The following MAP3K14 variants were observed in gnomAD, a reference collection of about 807,000 sequenced individuals.
MAP3K14 encodes the protein NF-kappa-beta-inducing kinase.
Under a neutral mutation model 99.2 loss-of-function variants are expected in MAP3K14, and 16 were observed. That is an observed-to-expected ratio of 0.16 (90% CI 0.11 to 0.24). The LOEUF (loss-of-function observed/expected upper bound fraction) is 0.24, where lower values mean the gene tolerates loss of function less well. MAP3K14 is among the 10% of genes least tolerant of loss of function. The pLI, the probability that MAP3K14 is intolerant of heterozygous loss-of-function variation, is 1.00. For synonymous variants in MAP3K14, 462 were observed against 492.4 expected (o/e 0.94, Z 0.82); for missense variants, 784 against 1,208.7 (o/e 0.65, Z 5.21).
intron 1 of MAP3K14, among the ~76,000 whole-genome samples, chr17:45,305,489 G>A (rs1304528132): frequency 1.4e-5 from 2 of 142,660 alleles, no homozygotes; most frequent in East Asian, 4.6e-4. Flanking sequence ...TCCACCTCCC[G>A]AATTCAAGCG....
At chr17:45,284,982 G>A (rs1356534322) in intron 5 of MAP3K14, 33 bp from the exon 6 acceptor site, 1 of 1,548,848 alleles carries the variant, frequency 6.5e-7, no homozygotes, top group Non-Finnish European at 8.7e-7. Flanking sequence ...GACAGTTTCA[G>A]TGGCCAGGGC....
intron 9 of MAP3K14, 142 bp downstream of exon 9, chr17:45,273,360 CT>C: frequency 1.6e-6 from 1 of 642,234 alleles, no homozygotes; most frequent in Non-Finnish European, 2.8e-6. Context: ...AAAGAAACCC[CT>C]GATAATCATC....
rs771825847 is a variant in MAP3K14 at position 45,267,438 on chromosome 17, A to G, written c.2294T>C (p.Val765Ala). 4 of 1,605,200 alleles carry G rather than the reference A, an allele frequency of 2.5e-6. No homozygotes were observed. In the South Asian group the frequency reaches 4.5e-5, roughly 18 times the overall value. ...NPSSPERKAT[V>A]PEQELQQLEI... ...CAGCTGCTGCAGTTCCTGCTCCGGGACGGTTGCTTTCCGCTCTGGTGAGCT... is the reference window on the plus strand; with the variant it reads ...CAGCTGCTGCAGTTCCTGCTCCGGGGCGGTTGCTTTCCGCTCTGGTGAGCT... Residue 765 changes from valine (V) to alanine (A), a missense_variant, in exon 12 of 16, where the codon GTC (valine) becomes GCC (alanine). Val to Ala is a moderately conservative substitution (Grantham distance 64). Coordinates refer to ENST00000344686, the MANE Select transcript of MAP3K14 (RefSeq NM_003954.5). The surrounding 1 kb of genome is among the most constrained non-coding windows in gnomAD (Gnocchi z 5.1).
At chr17:45,281,636 ACTT>A (rs1208313656) in intron 6 of MAP3K14, 17 of 118,118 alleles carry the variant, frequency 1.4e-4, no homozygotes, top group Admixed American at 5.6e-4. Flanking sequence ...GCCTGATCTT[ACTT>A]CTTTTTTTTT....
chr17:45,267,783 T>C lies in MAP3K14; in HGVS notation c.1973-24A>G, dbSNP rs1305922034. ...CACTAGAAAACAGAGAGTACAATGG[T>C]GAGGGGAAGCGTGCTGTGCACAGAC... On this transcript the variant is annotated intron_variant, in intron 11 of 15. Coordinates refer to ENST00000344686, the MANE Select transcript of MAP3K14 (RefSeq NM_003954.5). This position sits in a 1 kb window ranked among gnomAD's most constrained non-coding sequence, Gnocchi z 5.1. 3.1e-5 allele frequency: 49 copies of C among 1,584,966 alleles called. No individual in the cohort carries two copies. Among genetic ancestry groups the C allele is most frequent in the Non-Finnish European group, 3.9e-5 (46 of 1,166,776 alleles).
At chr17:45,313,777 C>T (rs1345085202) in intron 1 of MAP3K14, among the ~76,000 whole-genome samples, 4 of 152,216 alleles carry the variant, frequency 2.6e-5, no homozygotes, top group East Asian at 3.9e-4. Context: ...ACCCTGGTTT[C>T]GTTATGTTCA....
At chr17:45,313,066 A>G (rs1412454888) in intron 1 of MAP3K14, among the ~76,000 whole-genome samples, 1 of 152,094 alleles carries the variant, frequency 6.6e-6, no homozygotes, top group Non-Finnish European at 1.5e-5. Context: ...GGACCTTTGT[A>G]GCCTCATTTG....
chr17:45,265,027 G>T, intron 15 of MAP3K14, 136 bp downstream of exon 15: 1 of 833,636 alleles, frequency 1.2e-6, no homozygotes, highest in Non-Finnish European at 1.9e-6. Flanking sequence ...TTGAGGTCCT[G>T]GGGGACGTTG....
Position 45,267,539 on chromosome 17 carries a change from A to T in MAP3K14, c.2193T>A (p.Thr731=), listed in dbSNP as rs1203918538. The change falls in exon 12 of 16, where the codon ACT becomes ACA. Residue 731 remains threonine, a synonymous_variant. Coordinates refer to ENST00000344686, the MANE Select transcript of MAP3K14 (RefSeq NM_003954.5). The surrounding 1 kb of genome is among the most constrained non-coding windows in gnomAD (Gnocchi z 5.1). ...ACATCCCAGACTCCTCCTTGCTCAA[A>T]GTCAAGGGAGGAGACTTGTTTGGCT... ...PPEPNKSPPL[T]LSKEESGMWE... 2.1e-5 allele frequency: 34 copies of T among 1,613,406 alleles called. No homozygotes were observed. Among genetic ancestry groups the T allele is most frequent in the Non-Finnish European group, 2.9e-5 (34 of 1,179,670 alleles).
chr17:45,290,698 C>G lies in MAP3K14; in HGVS notation c.48G>C (p.Val16=), dbSNP rs1261641552. Residue 16 remains valine, a synonymous_variant, in exon 2 of 16, where the codon GTG becomes GTC. Transcript: ENST00000344686. ...CTTTGGGGAGTTCCTTCTGCTGCCC[C>G]ACTGCTGAGCCAGGGGCACCTGGGC... ...MACPGAPGSA[V]GQQKELPKAK... The G allele has an allele frequency of 6.2e-7, 1 of 1,613,506 alleles. No homozygotes were observed. Among genetic ancestry groups the G allele is most frequent in the Admixed American group, 1.7e-5 (1 of 59,946 alleles).
chr17:45,270,254 C>T (rs958631052), intron 11 of MAP3K14, among the ~76,000 whole-genome samples, 159 bp downstream of exon 11: 6 of 152,266 alleles, frequency 3.9e-5, no homozygotes, highest in South Asian at 2.1e-4. Context: ...GTGGCACTGT[C>T]GCAATCTCCC....
chr17:45,309,991 T>A (rs1397078900), intron 1 of MAP3K14, among the ~76,000 whole-genome samples: 1 of 149,714 alleles, frequency 6.7e-6, no homozygotes, highest in Non-Finnish European at 1.5e-5. Flanking sequence ...AGGAGTCTGG[T>A]GGGTCCAATC....
chr17:45,301,810 C>T (rs2044390393), intron 1 of MAP3K14, among the ~76,000 whole-genome samples: 1 of 150,608 alleles, frequency 6.6e-6, no homozygotes, highest in Non-Finnish European at 1.5e-5. Context: ...TTTCAGTGAG[C>T]ACATATTAGT....
chr17:45,299,856 G>A (rs989419669), intron 1 of MAP3K14, among the ~76,000 whole-genome samples: 3 of 152,146 alleles, frequency 2.0e-5, no homozygotes, highest in Non-Finnish European at 2.9e-5. Context: ...TTCGGAGGCC[G>A]AGGCAGGTGG....
At chr17:45,314,914 C>T (rs1488291452) in intron 1 of MAP3K14, among the ~76,000 whole-genome samples, 1 of 151,948 alleles carries the variant, frequency 6.6e-6, no homozygotes, top group Admixed American at 6.6e-5. Flanking sequence ...TCAGAGGGTG[C>T]CAACAACGAA....
At position 45,290,973 on chromosome 17, in the gene MAP3K14, C is replaced by T. The variant is rs11574813; in HGVS notation, c.-20-208G>A. The T allele has an allele frequency of 8.5e-3, 4,624 of 542,712 alleles. 187 individuals carry two copies. The highest frequency in any genetic ancestry group is 0.079 in the African/African-American group (4,197 of 52,802). 33.6% of individuals were successfully genotyped at this position (542,712 alleles called of 1,614,324 possible). A position where few individuals can be genotyped will look rare whatever the true frequency, so the allele number is the denominator to read the frequency against. On this transcript the variant is annotated intron_variant, in intron 1 of 15. Transcript: ENST00000344686. ...ACACGTTCCACACGGCACAGTCCCCCGGTCCTCCCAGTACCACAACATAAA... is the reference window on the plus strand; with the variant it reads ...ACACGTTCCACACGGCACAGTCCCCTGGTCCTCCCAGTACCACAACATAAA...
At chr17:45,310,993 T>C (rs1326334055) in intron 1 of MAP3K14, among the ~76,000 whole-genome samples, 1 of 151,884 alleles carries the variant, frequency 6.6e-6, no homozygotes, top group African/African-American at 2.4e-5. Context: ...GGTAGGGGAA[T>C]AAAAGGAGAA....
chr17:45,266,693 G>C lies in MAP3K14; in HGVS notation c.2434-12C>G. ...GCCTTTGATGGGTTCTGAAACAACAGGATTGGGTACGGGCTCAGGGCCCTG... is the reference window on the plus strand; with the variant it reads ...GCCTTTGATGGGTTCTGAAACAACACGATTGGGTACGGGCTCAGGGCCCTG... On this transcript the variant is annotated splice_polypyrimidine_tract_variant and intron_variant, in intron 13 of 15. Coordinates refer to ENST00000344686, the MANE Select transcript of MAP3K14 (RefSeq NM_003954.5). 4 of 1,603,898 alleles carry C rather than the reference G, an allele frequency of 2.5e-6. No individual in the cohort carries two copies. In the Middle Eastern group the frequency reaches 5.0e-4, roughly 200 times the overall value.
Position 45,265,202 on chromosome 17 carries a change from C to A in MAP3K14, c.2640G>T (p.Arg880=). 1 of 1,613,924 alleles carries A rather than the reference C, an allele frequency of 6.2e-7. No homozygotes were observed. The highest frequency in any genetic ancestry group is 2.2e-5 in the East Asian group (1 of 44,880). ...GEHLHIREFH[R]VKVGDIATGI... ...CAGTGGCGATGTCTCCCACTTTGAC[C>A]CGGTGGAACTCCCGGATGTGCAGGT... Residue 880 remains arginine (R), a synonymous_variant, in exon 15 of 16, where the codon CGG becomes CGT. Transcript: ENST00000344686.
Sources: allele counts gnomAD v4.1 joint callset (sites outside exome capture counted in the v4.1 genomes callset), GRCh38; gene constraint gnomAD v4.1.1; non-coding constraint Gnocchi (gnomAD v3.1); transcripts MANE v1.5; gene names NCBI Gene and HGNC (gene_info 2026-07-23, HGNC 2026-07-21).